DIP2C: variants seen among roughly 807,000 people sequenced by gnomAD.
DIP2C encodes the protein disco-interacting protein 2 homolog C.
A neutral mutation model predicts 192.4 loss-of-function variants in DIP2C; 33 were observed. The observed-to-expected ratio is 0.17, with a 90% CI of 0.13 to 0.23. The LOEUF (loss-of-function observed/expected upper bound fraction) is 0.23. Ranked by LOEUF, DIP2C falls within the 10% of genes least tolerant of loss-of-function variation. The pLI is 1.00. For synonymous variants in DIP2C, 979 were observed against 864.1 expected (o/e 1.13, Z -2.33); for missense variants, 1,537 against 2,110.1 (o/e 0.73, Z 5.32).
chr10:384,475 T>C, intron 15 of DIP2C, 71 bp downstream of exon 15: 1 of 1,478,152 alleles, frequency 6.8e-7, no homozygotes, highest in East Asian at 2.3e-5. Flanking sequence ...TGACCTCAGG[T>C]GATCCACCTG....
At chr10:472,295 T>G in intron 3 of DIP2C, 144 bp downstream of exon 3, 4 of 596,380 alleles carry the variant, frequency 6.7e-6, no homozygotes, top group South Asian at 2.4e-5. Context: ...CCCGAGAGGG[T>G]GTGTCCGTGC....
chr10:360,419 C>T (rs537012000), intron 22 of DIP2C, among the ~76,000 whole-genome samples: 2 of 152,360 alleles, frequency 1.3e-5, no homozygotes, highest in African/African-American at 4.8e-5. Context: ...TGTCTCTTTT[C>T]TCTTCCCGCT....
intron 28 of DIP2C, among the ~76,000 whole-genome samples, 171 bp from the exon 29 acceptor site, chr10:341,500 C>T (rs184357228): frequency 1.2e-3 from 188 of 150,694 alleles, no homozygotes; most frequent in Non-Finnish European, 2.1e-3. Context: ...TTGAACGCAT[C>T]GGACCTGACA....
At chr10:368,914 G>A (rs1960625115) in intron 18 of DIP2C, among the ~76,000 whole-genome samples, 1 of 152,252 alleles carries the variant, frequency 6.6e-6, no homozygotes, top group African/African-American at 2.4e-5. Flanking sequence ...TGCACCCTAA[G>A]AATGGTAAAG....
chr10:460,149 A>C (rs892628891), intron 3 of DIP2C, among the ~76,000 whole-genome samples: 6 of 152,236 alleles, frequency 3.9e-5, no homozygotes, highest in African/African-American at 1.4e-4. Flanking sequence ...GGCATGCTGC[A>C]CATGAGCTCT....
intron 6 of DIP2C, among the ~76,000 whole-genome samples, 179 bp from the exon 7 acceptor site, chr10:416,067 G>A (rs1965614674): frequency 6.6e-6 from 1 of 151,458 alleles, no homozygotes; most frequent in Non-Finnish European, 1.5e-5. Flanking sequence ...CTAGGCAGGA[G>A]ACCGGACAGA....
intron 1 of DIP2C, among the ~76,000 whole-genome samples, chr10:635,522 G>T (rs1279341417): frequency 6.6e-6 from 1 of 152,250 alleles, no homozygotes; most frequent in Non-Finnish European, 1.5e-5. Context: ...GAGGGCCCAT[G>T]GGGGCCTGGG....
At position 391,020 on chromosome 10, in the gene DIP2C, T is replaced by C. The variant is rs572815564; in HGVS notation, c.1261-157A>G. Among the ~76,000 whole-genome samples the C allele has an allele frequency of 2.0e-4, 31 of 152,178 alleles. No homozygotes were observed. The South Asian group carries it at 6.4e-3, about 32-fold the overall frequency. On this transcript the variant is annotated intron_variant, in intron 10 of 36. Coordinates refer to ENST00000280886, the MANE Select transcript of DIP2C (RefSeq NM_014974.3). ...TGGTATCTGTGGGACCCTGAACAGG[T>C]GAGACTGCATGGCCTCAGTGTCCTC...
In DIP2C at chr10:543,666, G is replaced by C. The variant is rs144526692; in HGVS notation, c.86-57136C>G. Among the ~76,000 whole-genome samples the C allele has an allele frequency of 1.2e-3, 179 of 152,306 alleles. 2 individuals carry two copies. The Middle Eastern group carries it at 0.031, about 26-fold the overall frequency. On this transcript the variant is annotated intron_variant, in intron 1 of 36. Coordinates refer to ENST00000280886, the MANE Select transcript of DIP2C (RefSeq NM_014974.3). Reference sequence around the variant, plus strand: ...GAAGTTTAACTCTCTGGGGACATGAGTTACATAGTAACATGTTTTGGATAC... The same window carrying C: ...GAAGTTTAACTCTCTGGGGACATGACTTACATAGTAACATGTTTTGGATAC...
chr10:486,660 C>T, intron 1 of DIP2C, 130 bp from the exon 2 acceptor site: 1 of 687,342 alleles, frequency 1.5e-6, no homozygotes, highest in East Asian at 3.0e-5. Flanking sequence ...TAAAAGCAAG[C>T]ACTGCACATC....
chr10:411,364 T>C (rs910800527), intron 8 of DIP2C, among the ~76,000 whole-genome samples: 3 of 152,136 alleles, frequency 2.0e-5, no homozygotes, highest in African/African-American at 7.2e-5. Flanking sequence ...TTATTTTTAT[T>C]AAGATTATGA....
At chr10:286,387 T>A (rs1955132769) in intron 33 of DIP2C, 40 bp from the exon 34 acceptor site, 2 of 1,578,132 alleles carry the variant, frequency 1.3e-6, no homozygotes, top group African/African-American at 2.7e-5. Context: ...ATGGGAGGAA[T>A]ACAGGGAGAG....
intron 1 of DIP2C, among the ~76,000 whole-genome samples, chr10:581,889 T>C (rs1850690265): frequency 6.6e-6 from 1 of 152,110 alleles, no homozygotes; most frequent in African/African-American, 2.4e-5. Flanking sequence ...TCCCCAGCCT[T>C]TTTGGCACCA....
At chr10:494,025 A>C (rs1844636610) in intron 1 of DIP2C, among the ~76,000 whole-genome samples, 1 of 152,182 alleles carries the variant, frequency 6.6e-6, no homozygotes, top group African/African-American at 2.4e-5. Flanking sequence ...AATAAACAAA[A>C]TCCACGTCAC....
chr10:563,857 G>A (rs1265387767), intron 1 of DIP2C, among the ~76,000 whole-genome samples: 2 of 152,194 alleles, frequency 1.3e-5, no homozygotes, highest in African/African-American at 4.8e-5. Context: ...CAATTAAGAA[G>A]CAAGGCAAAT....
At chr10:447,635 TCA>T (rs1968378581) in intron 3 of DIP2C, among the ~76,000 whole-genome samples, 1 of 135,034 alleles carries the variant, frequency 7.4e-6, no homozygotes. Flanking sequence ...ATACTCAGGA[TCA>T]CACACAGTGG....
chr10:321,208 T>C (rs1017754180), intron 31 of DIP2C, among the ~76,000 whole-genome samples: 2 of 152,230 alleles, frequency 1.3e-5, no homozygotes, highest in Admixed American at 1.3e-4. Context: ...AAAGTGCTTG[T>C]CCAGGCGCCA....
intron 28 of DIP2C, among the ~76,000 whole-genome samples, chr10:343,343 C>T (rs7068944): frequency 0.98 from 149,439 of 152,318 alleles, 73,358 homozygotes; most frequent in East Asian, 1. Flanking sequence ...CAGAGCTAAA[C>T]TGTAAAGGGA....
intron 33 of DIP2C, among the ~76,000 whole-genome samples, chr10:287,385 G>A (rs112105863): frequency 1.3e-5 from 2 of 152,156 alleles, no homozygotes; most frequent in Admixed American, 1.3e-4. Flanking sequence ...TTATGATTGA[G>A]ATAAAGGCAA....
Sources: gnomAD v4.1 joint callset for allele counts (sites outside exome capture counted in the v4.1 genomes callset) on GRCh38, gnomAD v4.1.1 for gene constraint, MANE v1.5 for transcripts, NCBI Gene and HGNC (gene_info 2026-07-23, HGNC 2026-07-21) for gene names.